Variants in DAB1 observed in about 807,000 individuals in gnomAD.
DAB1 encodes the protein disabled homolog 1.
In DAB1, 15 loss-of-function variants were observed where a neutral mutation model predicts 64.6. The ratio of observed to expected loss-of-function variants is 0.23; its 90% CI spans 0.16 to 0.36. The LOEUF (loss-of-function observed/expected upper bound fraction) is 0.36. Ranked by LOEUF, DAB1 falls within the 10% of genes least tolerant of loss-of-function variation. The pLI is 1.00. For synonymous variants in DAB1, 235 were observed against 251.9 expected, an observed-to-expected ratio of 0.93 and a Z score of 0.64; for missense variants, 596 against 706.7, an observed-to-expected ratio of 0.84 and a Z score of 1.78.
Position 57,147,448 on chromosome 1 carries a change from C to T in DAB1, c.68-2019G>A, listed in dbSNP as rs148696468. ...ACCCCCAGTTTTCTTTTTGTTTTTT[C>T]CATGACACCCCTGCTGACTCCTCAT... On this transcript the variant is annotated intron_variant, in intron 2 of 14. Coordinates refer to ENST00000371236, the MANE Select transcript of DAB1 (RefSeq NM_001365792.1). Among the ~76,000 whole-genome samples the T allele has an allele frequency of 3.0e-4, 46 of 152,024 alleles. No homozygotes were observed. The East Asian group carries it at 7.6e-3, about 25-fold the overall frequency.
intron 3 of DAB1, among the ~76,000 whole-genome samples, chr1:57,142,833 A>C (rs2100815337): frequency 6.6e-6 from 1 of 152,198 alleles, no homozygotes; most frequent in African/African-American, 2.4e-5. Context: ...TGGGAGCATG[A>C]GCTCTTTTCT....
intron 3 of DAB1, among the ~76,000 whole-genome samples, chr1:58,344,956 G>T (rs561114206): frequency 6.6e-6 from 1 of 152,212 alleles, no homozygotes; most frequent in Non-Finnish European, 1.5e-5. Context: ...TATGGCCATT[G>T]TAATAGGCTT....
At chr1:58,187,606 T>C (rs1055688356) in intron 4 of DAB1, among the ~76,000 whole-genome samples, 8 of 149,982 alleles carry the variant, frequency 5.3e-5, no homozygotes, top group African/African-American at 1.9e-4. Flanking sequence ...TGAGAAAGAG[T>C]TGCACTCTTG....
intron 4 of DAB1, among the ~76,000 whole-genome samples, chr1:58,277,007 AAGAG>A (rs1491205919): frequency 6.6e-6 from 1 of 151,522 alleles, no homozygotes; most frequent in African/African-American, 2.4e-5. Context: ...GGTTGAATAA[AAGAG>A]AGAGTGTTGC....
At chr1:57,920,858 C>A (rs1049615243) in intron 5 of DAB1, among the ~76,000 whole-genome samples, 2 of 152,158 alleles carry the variant, frequency 1.3e-5, no homozygotes, top group Non-Finnish European at 2.9e-5. Flanking sequence ...TAAATTGGCA[C>A]AACCCTTTTG....
intron 2 of DAB1, among the ~76,000 whole-genome samples, chr1:57,287,579 G>A (rs1291709211): frequency 6.6e-6 from 1 of 152,012 alleles, no homozygotes; most frequent in Non-Finnish European, 1.5e-5. Context: ...AAGCATAGTT[G>A]GAGAAAGTAT....
intron 3 of DAB1, among the ~76,000 whole-genome samples, chr1:58,452,172 G>T (rs1645144809): frequency 6.6e-6 from 1 of 151,740 alleles, no homozygotes; most frequent in Non-Finnish European, 1.5e-5. Context: ...GACCTCAGAT[G>T]ATCCACCCAC....
chr1:57,680,142 G>A (rs1646619220), intron 6 of DAB1, among the ~76,000 whole-genome samples: 1 of 152,158 alleles, frequency 6.6e-6, no homozygotes, highest in African/African-American at 2.4e-5. Flanking sequence ...ACAGCACTAG[G>A]TGGCAGCTAC....
chr1:58,544,728 G>A (rs1646674015), intron 1 of DAB1, among the ~76,000 whole-genome samples: 1 of 152,082 alleles, frequency 6.6e-6, no homozygotes. Flanking sequence ...TCAGTAGCTG[G>A]GATTACAAGC....
intron 1 of DAB1, among the ~76,000 whole-genome samples, chr1:57,331,048 T>C (rs1030965894): frequency 6.6e-6 from 1 of 152,160 alleles, no homozygotes; most frequent in South Asian, 2.1e-4. Flanking sequence ...CCTTTTTCTA[T>C]ACCACTGCTG....
intron 1 of DAB1, among the ~76,000 whole-genome samples, chr1:57,831,961 AT>A (rs1652608354): frequency 6.6e-6 from 1 of 152,248 alleles, no homozygotes; most frequent in African/African-American, 2.4e-5. Context: ...TCTTCCTCAT[AT>A]AAAACTTACA....
chr1:57,577,234 T>G (rs902661389), intron 7 of DAB1, among the ~76,000 whole-genome samples: 2 of 152,182 alleles, frequency 1.3e-5, no homozygotes, highest in African/African-American at 4.8e-5. Flanking sequence ...AATACTGTGT[T>G]TATCAGCTAG....
rs1218767627 is a variant in DAB1, at chr1:57,877,550, T to TA, written n.87+6448_87+6449insT. Among the ~76,000 whole-genome samples the TA allele has an allele frequency of 1.3e-4, 7 of 53,784 alleles. 1 individual carries two copies. The highest frequency in any genetic ancestry group is 9.4e-4 in the Admixed American group (5 of 5,336). 35.3% of individuals were successfully genotyped at this position (53,784 alleles called of 152,430 possible). Reference sequence around the variant, plus strand: ...TTAAAAATCCTAATTGATTTATTTTTTTTTTTTTTTTTTTTTTTTTTGAGA... The same window carrying TA: ...TTAAAAATCCTAATTGATTTATTTTTATTTTTTTTTTTTTTTTTTTTTGAGA... On this transcript the variant is annotated intron_variant and non_coding_transcript_variant, in intron 1 of 1. Coordinates refer to the DAB1 transcript ENST00000477280.
At chr1:58,171,385 G>C (rs1260395958) in intron 4 of DAB1, among the ~76,000 whole-genome samples, 1 of 152,202 alleles carries the variant, frequency 6.6e-6, no homozygotes, top group Non-Finnish European at 1.5e-5. Flanking sequence ...GCTTAGTAAG[G>C]AAATGCAGCA....
chr1:57,130,870 T>C (rs1436895426), intron 4 of DAB1, among the ~76,000 whole-genome samples: 2 of 152,224 alleles, frequency 1.3e-5, no homozygotes, highest in Non-Finnish European at 2.9e-5. Context: ...TAAAATACTT[T>C]GTTTATGTGC....
At chr1:57,928,814 G>A (rs1409386809) in intron 5 of DAB1, among the ~76,000 whole-genome samples, 5 of 152,006 alleles carry the variant, frequency 3.3e-5, no homozygotes, top group East Asian at 1.9e-4. Context: ...ATAATATTTC[G>A]TTATCTGGAT....
chr1:57,631,884 T>C (rs778106226), intron 7 of DAB1, among the ~76,000 whole-genome samples: 1 of 152,300 alleles, frequency 6.6e-6, no homozygotes, highest in Non-Finnish European at 1.5e-5. Context: ...TTAAGGCTGG[T>C]ACCTTCCCTG....
intron 5 of DAB1, among the ~76,000 whole-genome samples, chr1:57,994,789 ACT>A (rs1293097622): frequency 6.6e-6 from 1 of 152,164 alleles, no homozygotes; most frequent in Non-Finnish European, 1.5e-5. Flanking sequence ...GGTGGGGACA[ACT>A]CTAAAGGGTG....
chr1:57,118,073 G>T (rs1656300262), intron 4 of DAB1, among the ~76,000 whole-genome samples: 1 of 152,190 alleles, frequency 6.6e-6, no homozygotes, highest in Non-Finnish European at 1.5e-5. Context: ...ATATCTTTCA[G>T]TACAAGACAT....
Sources: gnomAD v4.1 joint callset for allele counts (sites outside exome capture counted in the v4.1 genomes callset) on GRCh38, gnomAD v4.1.1 for gene constraint, MANE v1.5 for transcripts, NCBI Gene and HGNC (gene_info 2026-07-23, HGNC 2026-07-21) for gene names.